CRB1: variants seen among roughly 807,000 people sequenced by gnomAD.
CRB1 encodes crumbs cell polarity complex component 1, also known as protein crumbs homolog 1.
Under a neutral mutation model 120.0 loss-of-function variants are expected in CRB1, and 83 were observed. The observed-to-expected ratio is 0.69, with a 90% CI of 0.58 to 0.83. The LOEUF is 0.83. Among genes scored for constraint, CRB1 ranks in the 40% least tolerant of loss-of-function variants. The pLI is 0.00. For synonymous variants in CRB1, 625 were observed against 612.5 expected, an observed-to-expected ratio of 1.02 and a Z score of -0.30; for missense variants, 1,699 against 1,687.6, an observed-to-expected ratio of 1.01 and a Z score of -0.12.
At chr1:197,355,818 G>T (rs1183779496) in intron 4 of CRB1, among the ~76,000 whole-genome samples, 6 of 152,100 alleles carry the variant, frequency 3.9e-5, no homozygotes, top group Admixed American at 3.9e-4. Context: ...CTCCATTCTC[G>T]GCCAGCCCAT....
At chr1:197,412,507 T>C (rs1003230568) in intron 5 of CRB1, among the ~76,000 whole-genome samples, 1 of 152,208 alleles carries the variant, frequency 6.6e-6, no homozygotes, top group African/African-American at 2.4e-5. Flanking sequence ...AGTCCATGTT[T>C]ATTCTACTTC....
At chr1:197,227,816 C>T in the CRB1 span, among the ~76,000 whole-genome samples, 21 of 152,168 alleles carry the variant, frequency 1.4e-4, no homozygotes, top group Non-Finnish European at 1.6e-4. Flanking sequence ...ATGAGGGCCC[C>T]GCTCCTGCAG....
At chr1:197,331,772 A>T (rs147617638) in intron 2 of CRB1, among the ~76,000 whole-genome samples, 340 of 151,636 alleles carry the variant, frequency 2.2e-3, no homozygotes, top group African/African-American at 7.9e-3. Context: ...TTATATTTGT[A>T]AAAAAAACAC....
intron 5 of CRB1, among the ~76,000 whole-genome samples, chr1:197,371,136 C>T (rs1661349659): frequency 6.6e-6 from 1 of 152,162 alleles, no homozygotes; most frequent in African/African-American, 2.4e-5. Context: ...CACTTACCTT[C>T]TGTCTCAGCT....
intron 11 of CRB1, among the ~76,000 whole-genome samples, chr1:197,470,597 A>G (rs1666940095): frequency 6.6e-6 from 1 of 152,252 alleles, no homozygotes; most frequent in Admixed American, 6.5e-5. Flanking sequence ...AAAGAAAACA[A>G]TGCTATCACT....
chr1:197,251,243 ATAAAT>A, the CRB1 span, among the ~76,000 whole-genome samples: 2 of 152,034 alleles, frequency 1.3e-5, no homozygotes, highest in African/African-American at 4.8e-5. Context: ...TATAATTCAA[ATAAAT>A]TAATATATAA....
At chr1:197,316,792 C>T (rs910438569) in intron 1 of CRB1, among the ~76,000 whole-genome samples, 2 of 151,048 alleles carry the variant, frequency 1.3e-5, no homozygotes, top group Admixed American at 1.3e-4. Flanking sequence ...AATTAATAAA[C>T]AAGTTCAGTA....
At chr1:197,346,218 A>G (rs1659763713) in intron 3 of CRB1, among the ~76,000 whole-genome samples, 1 of 152,138 alleles carries the variant, frequency 6.6e-6, no homozygotes, top group African/African-American at 2.4e-5. Context: ...AGATCAATCC[A>G]ATATAACCTG....
intron 11 of CRB1, among the ~76,000 whole-genome samples, chr1:197,460,507 G>T (rs1666481378): frequency 6.6e-6 from 1 of 152,080 alleles, no homozygotes; most frequent in Non-Finnish European, 1.5e-5. Flanking sequence ...GCCTCTTTCA[G>T]CCAAGGGTTG....
chr1:197,284,791 C>T (rs535662354), intron 1 of CRB1, among the ~76,000 whole-genome samples: 1 of 150,916 alleles, frequency 6.6e-6, no homozygotes, highest in African/African-American at 2.5e-5. Flanking sequence ...AAATAAAGTG[C>T]ATATTCTGAT....
intron 11 of CRB1, among the ~76,000 whole-genome samples, chr1:197,472,297 G>A (rs970260397): frequency 4.6e-5 from 7 of 152,168 alleles, no homozygotes; most frequent in Admixed American, 2.0e-4. Flanking sequence ...TCATTCCAGT[G>A]TGGTGTTTTC....
At chr1:197,204,461 T>G in the CRB1 span, among the ~76,000 whole-genome samples, 1 of 152,226 alleles carries the variant, frequency 6.6e-6, no homozygotes, top group Admixed American at 6.5e-5. Context: ...GATTTTTTTA[T>G]TATGGCCATT....
chr1:197,417,691 C>T (rs1200470032), intron 5 of CRB1, among the ~76,000 whole-genome samples: 1 of 152,162 alleles, frequency 6.6e-6, no homozygotes, highest in Non-Finnish European at 1.5e-5. Flanking sequence ...CAAATACCAA[C>T]TTTAAACACC....
intron 5 of CRB1, among the ~76,000 whole-genome samples, chr1:197,408,096 GC>G (rs1458029278): frequency 6.6e-6 from 1 of 152,116 alleles, no homozygotes; most frequent in African/African-American, 2.4e-5. Context: ...GAGTTACCAT[GC>G]AGTTGAGGAA....
chr1:197,241,125 A>G, the CRB1 span, among the ~76,000 whole-genome samples: 8 of 152,176 alleles, frequency 5.3e-5, no homozygotes, highest in Admixed American at 5.2e-4. Context: ...GATAGATTGC[A>G]AAACTTTTCT....
the CRB1 span, among the ~76,000 whole-genome samples, chr1:197,243,369 T>C: frequency 6.6e-6 from 1 of 152,188 alleles, no homozygotes; most frequent in African/African-American, 2.4e-5. Context: ...GAGATTCTGG[T>C]ATGTTGTGTG....
rs587783015 is a variant in CRB1 at position 197,356,840 on chromosome 1, G to C, written c.998G>C (p.Gly333Ala). 6.2e-7 allele frequency: 1 copy of C among 1,614,112 alleles called. No individual in the cohort carries two copies. Among genetic ancestry groups the C allele is most frequent in the Non-Finnish European group, 8.5e-7 (1 of 1,180,010 alleles). ...AATTTTCATCATGCAGGATACACAG[G>C]TGCCCAGTGTGAGATCGACCTCAAT... ...YTCHCWPGYT[G>A]AQCEIDLNEC... is the part of the protein sequence containing the mutation. The change falls in exon 5 of 12, where the codon GGT (glycine) becomes GCT (alanine). Residue 333 changes from glycine to alanine, a missense_variant. Coordinates refer to ENST00000367400, the MANE Select transcript of CRB1 (RefSeq NM_201253.3).
intron 1 of CRB1, among the ~76,000 whole-genome samples, chr1:197,318,594 C>T (rs1343261600): frequency 6.6e-6 from 1 of 152,146 alleles, no homozygotes; most frequent in Non-Finnish European, 1.5e-5. Context: ...AATATGGAAT[C>T]AACCTCAATG....
At chr1:197,234,751 A>G in the CRB1 span, among the ~76,000 whole-genome samples, 5 of 152,346 alleles carry the variant, frequency 3.3e-5, no homozygotes, top group East Asian at 1.9e-4. Context: ...TTCCAATAAC[A>G]TAGGCTCCCA....
Sources: allele counts gnomAD v4.1 joint callset (sites outside exome capture counted in the v4.1 genomes callset), GRCh38; gene constraint gnomAD v4.1.1; transcripts MANE v1.5; gene names NCBI Gene and HGNC (gene_info 2026-07-23, HGNC 2026-07-21).